Variants in PC observed in about 807,000 individuals in gnomAD.
PC encodes the protein pyruvate carboxylase, mitochondrial.
Under a neutral mutation model 107.8 loss-of-function variants are expected in PC, and 46 were observed. The ratio of observed to expected loss-of-function variants is 0.43; its 90% CI spans 0.34 to 0.55. The LOEUF is 0.55. PC is among the 20% of genes least tolerant of loss of function. PC has a pLI of 0.04. For synonymous variants in PC, 662 were observed against 684.7 expected (o/e 0.97, Z 0.52); for missense variants, 1,241 against 1,643.1 (o/e 0.76, Z 4.23).
chr11:66,957,063 G>A (rs1221225462), intron 1 of PC, among the ~76,000 whole-genome samples: 1 of 152,252 alleles, frequency 6.6e-6, no homozygotes, highest in Non-Finnish European at 1.5e-5. Flanking sequence ...GCAGGAAGCT[G>A]TAGCTGCAAG....
intron 11 of PC, 55 bp from the exon 12 acceptor site, chr11:66,864,011 C>T: frequency 3.2e-6 from 5 of 1,581,336 alleles, no homozygotes; most frequent in Non-Finnish European, 3.5e-6. Context: ...TCAAAAGTGC[C>T]CCACCCACCC....
In PC at chr11:66,848,611, A is replaced by C; in HGVS notation, c.*288T>G. 1.7e-6 allele frequency: 1 copy of C among 601,690 alleles called. No individual in the cohort carries two copies. Among genetic ancestry groups the C allele is most frequent in the Non-Finnish European group, 3.0e-6 (1 of 337,146 alleles). 37.3% of individuals were successfully genotyped at this position (601,690 alleles called of 1,614,324 possible). A position where few individuals can be genotyped will look rare whatever the true frequency, so the allele number is the denominator to read the frequency against. Reference sequence around the variant, plus strand: ...CCTTCCCCCAGGAGATAGGACCCCTAAACCTCCCCTGGGTCCTAGGACCAC... The same window carrying C: ...CCTTCCCCCAGGAGATAGGACCCCTCAACCTCCCCTGGGTCCTAGGACCAC... On this transcript the variant is annotated 3_prime_UTR_variant, in exon 23 of 23. Transcript: ENST00000393960.
intron 3 of PC, among the ~76,000 whole-genome samples, chr11:66,948,058 GAT>G (rs1949347157): frequency 6.9e-6 from 1 of 145,144 alleles, no homozygotes; most frequent in Admixed American, 6.8e-5. Context: ...TAGATAGATA[GAT>G]AGATATGCCA....
intron 3 of PC, among the ~76,000 whole-genome samples, chr11:66,949,208 G>A (rs1052925833): frequency 1.3e-5 from 2 of 151,086 alleles, no homozygotes; most frequent in African/African-American, 4.8e-5. Context: ...TGGCCAGGAT[G>A]GTCTCAATCT....
chr11:66,905,879 A>G (rs1279351919), intron 3 of PC, among the ~76,000 whole-genome samples: 1 of 152,086 alleles, frequency 6.6e-6, no homozygotes, highest in African/African-American at 2.4e-5. Context: ...CCAGGGCATC[A>G]CCACTCACCT....
At chr11:66,882,523 G>C (rs1947220300) in intron 3 of PC, among the ~76,000 whole-genome samples, 1 of 152,228 alleles carries the variant, frequency 6.6e-6, no homozygotes, top group Non-Finnish European at 1.5e-5. Context: ...GAGAGCAGCA[G>C]AGGGCAGAGA....
At chr11:66,898,040 C>T (rs1947817328) in intron 3 of PC, among the ~76,000 whole-genome samples, 1 of 152,208 alleles carries the variant, frequency 6.6e-6, no homozygotes, top group Non-Finnish European at 1.5e-5. Flanking sequence ...CCTGTTTTTT[C>T]ATGAGAGCAG....
Position 66,871,993 on chromosome 11 carries a change from G to C in PC, c.136+31C>G. ...AATGCCAAGGCTGGGGCGGCCATGA[G>C]GCTCCTCTCACCGGCCCCACTGGTG... On this transcript the variant is annotated intron_variant, in intron 4 of 22. Coordinates refer to ENST00000393960, the MANE Select transcript of PC (RefSeq NM_001040716.2). The surrounding 1 kb of genome is among the most constrained non-coding windows in gnomAD (Gnocchi z 7.4). The C allele has an allele frequency of 6.4e-7, 1 of 1,557,632 alleles. No individual in the cohort carries two copies.
chr11:66,901,279 G>T (rs1194628620), intron 3 of PC, among the ~76,000 whole-genome samples: 1 of 152,172 alleles, frequency 6.6e-6, no homozygotes, highest in African/African-American at 2.4e-5. Flanking sequence ...CAGCCGATGA[G>T]ACAGAGGCAC....
intron 3 of PC, among the ~76,000 whole-genome samples, chr11:66,900,471 T>C (rs1947912213): frequency 6.6e-6 from 1 of 152,110 alleles, no homozygotes; most frequent in South Asian, 2.1e-4. Flanking sequence ...CTGTTCTTCT[T>C]TCTTAAGATT....
At chr11:66,853,865 C>T (rs1945654323) in intron 12 of PC, among the ~76,000 whole-genome samples, 1 of 152,246 alleles carries the variant, frequency 6.6e-6, no homozygotes, top group African/African-American at 2.4e-5. Flanking sequence ...CTCTTCCTCC[C>T]CAGCTCCTCA....
intron 3 of PC, 95 bp from the exon 4 acceptor site, chr11:66,872,254 CAGAA>C: frequency 7.1e-7 from 1 of 1,406,402 alleles, no homozygotes; most frequent in Admixed American, 2.0e-5. Flanking sequence ...AGTGGCCCCA[CAGAA>C]AGGCTAGCAC....
chr11:66,861,278 G>A (rs1315239363), intron 12 of PC, among the ~76,000 whole-genome samples: 2 of 152,210 alleles, frequency 1.3e-5, no homozygotes, highest in African/African-American at 4.8e-5. Context: ...CTGGCTGGGG[G>A]GCATGGGCAG....
At chr11:66,894,971 G>A (rs753236693) in intron 3 of PC, among the ~76,000 whole-genome samples, 2 of 150,588 alleles carry the variant, frequency 1.3e-5, no homozygotes, top group Non-Finnish European at 2.9e-5. Context: ...GAAGTGAGCC[G>A]AGATTGTGCC....
chr11:66,947,560 CA>C (rs113612836), intron 3 of PC, among the ~76,000 whole-genome samples: 2,068 of 124,790 alleles, frequency 0.017, 16 homozygotes, highest in Non-Finnish European at 0.025. Flanking sequence ...GACTCAGTCT[CA>C]AAAAAAAAAA....
intron 3 of PC, among the ~76,000 whole-genome samples, chr11:66,937,940 CTAAT>C (rs1164804814): frequency 6.6e-6 from 1 of 152,058 alleles, no homozygotes; most frequent in Non-Finnish European, 1.5e-5. Flanking sequence ...CCACACTCAG[CTAAT>C]TTTTTGTATT....
rs974349918 is a variant in PC, at chr11:66,871,857, G to A, written c.151C>T (p.Arg51Cys). 3.1e-6 allele frequency: 5 copies of A among 1,608,386 alleles called. No homozygotes were observed. The highest frequency in any genetic ancestry group is 4.2e-6 in the Non-Finnish European group (5 of 1,179,716). Reference protein sequence around the residue: ...MVANRGEIAIRVFRACTELGI... With the variant: ...MVANRGEIAICVFRACTELGI... Reference sequence around the variant, plus strand: ...AGCTCCGTGCAGGCCCGGAACACACGGATGGCAATCTCACCTAGAGGGCAA... The same window carrying A: ...AGCTCCGTGCAGGCCCGGAACACACAGATGGCAATCTCACCTAGAGGGCAA... The change falls in exon 5 of 23, where the codon CGT (arginine) becomes TGT (cysteine). Residue 51 changes from arginine to cysteine, a missense_variant. Arg to Cys is a radical substitution (Grantham distance 180). Transcript: ENST00000393960. This position sits in a 1 kb window ranked among gnomAD's most constrained non-coding sequence, Gnocchi z 7.4.
intron 3 of PC, among the ~76,000 whole-genome samples, chr11:66,888,904 T>C (rs1947467033): frequency 6.6e-6 from 1 of 151,972 alleles, no homozygotes; most frequent in Non-Finnish European, 1.5e-5. Context: ...TGAAACCCCG[T>C]CTCTACTAAA....
intron 3 of PC, among the ~76,000 whole-genome samples, chr11:66,882,633 C>T (rs1038362386): frequency 2.0e-5 from 3 of 152,264 alleles, no homozygotes; most frequent in Non-Finnish European, 4.4e-5. Flanking sequence ...AGCACCAGCA[C>T]CCGCACCAGG....
Sources: allele counts gnomAD v4.1 joint callset (sites outside exome capture counted in the v4.1 genomes callset), GRCh38; gene constraint gnomAD v4.1.1; non-coding constraint Gnocchi (gnomAD v3.1); transcripts MANE v1.5; gene names NCBI Gene and HGNC (gene_info 2026-07-23, HGNC 2026-07-21).